Variants in CHL1 observed in about 807,000 individuals in gnomAD.
CHL1 encodes the protein cell adhesion molecule L1 like.
A neutral mutation model predicts 141.9 loss-of-function variants in CHL1; 96 were observed. That is an observed-to-expected ratio of 0.68 (90% confidence interval 0.57 to 0.80). The LOEUF (loss-of-function observed/expected upper bound fraction) is 0.80, where lower values mean the gene tolerates loss of function less well. Among genes scored for constraint, CHL1 ranks in the 30% least tolerant of loss-of-function variants. The pLI is 0.00. For missense variants in CHL1, 1,820 were observed against 1,457.2 expected (o/e 1.25, Z -4.05); for synonymous variants, 613 against 502.2 (o/e 1.22, Z -2.95).
intron 15 of CHL1, among the ~76,000 whole-genome samples, chr3:369,111 T>G (rs560296592): frequency 6.6e-6 from 1 of 152,066 alleles, no homozygotes; most frequent in African/African-American, 2.4e-5. Flanking sequence ...TTTAAAGTAG[T>G]TTTTTTTCTA....
At position 231,272 on chromosome 3, in the gene CHL1, T is replaced by A. The variant is rs150107248; in HGVS notation, c.-174-13341T>A. Among the ~76,000 whole-genome samples the A allele has an allele frequency of 1.0e-3, 154 of 152,280 alleles. 2 individuals are homozygous for A. In the South Asian group the frequency reaches 0.028, roughly 28 times the overall value. On this transcript the variant is annotated intron_variant, in intron 1 of 27. Coordinates refer to ENST00000256509, the MANE Select transcript of CHL1 (RefSeq NM_006614.4). Reference sequence around the variant, plus strand: ...AAATAATTACCTTGGTGATTTCCCATAATTAAGGCAGATTTTTTTCCTTCC... The same window carrying A: ...AAATAATTACCTTGGTGATTTCCCAAAATTAAGGCAGATTTTTTTCCTTCC...
At chr3:267,069 A>G (rs535522028) in intron 2 of CHL1, among the ~76,000 whole-genome samples, 31 of 152,292 alleles carry the variant, frequency 2.0e-4, no homozygotes, top group South Asian at 1.7e-3. Context: ...TCTTGCATTT[A>G]TCTGTTTTTT....
intron 2 of CHL1, among the ~76,000 whole-genome samples, chr3:286,797 T>G (rs1697196611): frequency 6.6e-6 from 1 of 152,068 alleles, no homozygotes; most frequent in Admixed American, 6.5e-5. Flanking sequence ...GAACTGAGGG[T>G]TCTTTCCCTT....
chr3:352,962 C>T (rs1247559971), intron 10 of CHL1, among the ~76,000 whole-genome samples: 1 of 152,108 alleles, frequency 6.6e-6, no homozygotes, highest in Admixed American at 6.6e-5. Context: ...GCTGCTCATC[C>T]ATAGTTGCTG....
chr3:288,564 C>A (rs1697380355), intron 2 of CHL1, among the ~76,000 whole-genome samples: 1 of 152,126 alleles, frequency 6.6e-6, no homozygotes, highest in Non-Finnish European at 1.5e-5. Flanking sequence ...ATCATGATCC[C>A]TGGGCTGCTG....
chr3:322,887 T>A (rs1384615943), intron 3 of CHL1, among the ~76,000 whole-genome samples: 1 of 151,242 alleles, frequency 6.6e-6, no homozygotes, highest in Non-Finnish European at 1.5e-5. Context: ...TAAAAAACTC[T>A]CAAAACAAAG....
chr3:405,442 A>C (rs17038738), intron 27 of CHL1, 53 bp from the exon 28 acceptor site: 1 of 1,186,294 alleles, frequency 8.4e-7, no homozygotes, highest in African/African-American at 1.5e-5. Flanking sequence ...GTTGCTTTAC[A>C]TGAATATTAA....
At chr3:289,371 G>A (rs1198683530) in intron 2 of CHL1, among the ~76,000 whole-genome samples, 2 of 152,118 alleles carry the variant, frequency 1.3e-5, no homozygotes, top group East Asian at 3.8e-4. Context: ...TAAGATGAGT[G>A]ATTTTATTCT....
intron 1 of CHL1, among the ~76,000 whole-genome samples, chr3:200,627 GTTC>G (rs1698839303): frequency 6.6e-6 from 1 of 152,112 alleles, no homozygotes; most frequent in African/African-American, 2.4e-5. Context: ...CTTTCTGTTT[GTTC>G]CTGGAAAAAT....
chr3:361,889 G>T, intron 13 of CHL1, 79 bp downstream of exon 13: 1 of 984,512 alleles, frequency 1.0e-6, no homozygotes, highest in Non-Finnish European at 1.6e-6. Context: ...TCATTTGACA[G>T]GCTGTATTGT....
chr3:228,683 A>G (rs1265740071), intron 1 of CHL1, among the ~76,000 whole-genome samples: 1 of 152,188 alleles, frequency 6.6e-6, no homozygotes, highest in Non-Finnish European at 1.5e-5. Context: ...AACCCCTGTG[A>G]GAGGCCAGTA....
At chr3:277,299 T>G (rs1454168996) in intron 2 of CHL1, among the ~76,000 whole-genome samples, 1 of 152,144 alleles carries the variant, frequency 6.6e-6, no homozygotes, top group Non-Finnish European at 1.5e-5. Flanking sequence ...AGCCACATCC[T>G]GGAACCATAA....
At chr3:358,002 T>C (rs1449855463) in intron 11 of CHL1, among the ~76,000 whole-genome samples, 1 of 152,326 alleles carries the variant, frequency 6.6e-6, no homozygotes, top group Non-Finnish European at 1.5e-5. Context: ...GAGCTACTCA[T>C]CTTGCTAATT....
chr3:233,858 A>G lies in CHL1; in HGVS notation c.-174-10755A>G, dbSNP rs557511733. 3.9e-5 allele frequency among the ~76,000 whole-genome samples: 6 copies of G among 152,274 alleles called. No homozygotes were observed. In the East Asian group the frequency reaches 1.2e-3, roughly 29 times the overall value. On this transcript the variant is annotated intron_variant, in intron 1 of 27. Transcript: ENST00000256509. Reference sequence around the variant, plus strand: ...TGTCACCCAAATTTTATTGTTATAAATTACACTCAGTAAAGATTTTTCCAT... The same window carrying G: ...TGTCACCCAAATTTTATTGTTATAAGTTACACTCAGTAAAGATTTTTCCAT...
At position 300,692 on chromosome 3, in the gene CHL1, A is replaced by G. The variant is rs527350915; in HGVS notation, c.-94-18991A>G. 2.6e-5 allele frequency among the ~76,000 whole-genome samples: 4 copies of G among 152,318 alleles called. No individual in the cohort carries two copies. In the Middle Eastern group the frequency reaches 0.01, roughly 389 times the overall value. On this transcript the variant is annotated intron_variant, in intron 2 of 27. Transcript: ENST00000256509. The stretch of plus-strand genomic sequence containing the variant: ...TATTGTCTAGTAAGAGACAAGCATC[A>G]TAAGACATTACACTAGTGAATGTAT...
chr3:337,424 A>T (rs551108914), intron 5 of CHL1, among the ~76,000 whole-genome samples: 20 of 151,970 alleles, frequency 1.3e-4, no homozygotes, highest in East Asian at 1.2e-3. Context: ...TGTGCAGGTT[A>T]GTTACATATG....
chr3:328,083 T>G (rs1229378621), intron 4 of CHL1, 84 bp from the exon 5 acceptor site: 2 of 1,037,270 alleles, frequency 1.9e-6, no homozygotes, highest in Non-Finnish European at 2.8e-6. Context: ...GTCTTGGTTT[T>G]GTCAATTTTA....
intron 1 of CHL1, among the ~76,000 whole-genome samples, chr3:198,921 T>C (rs921468687): frequency 6.6e-6 from 1 of 152,190 alleles, no homozygotes; most frequent in Non-Finnish European, 1.5e-5. Flanking sequence ...TTTCAGTATA[T>C]TGATGGAGAG....
intron 2 of CHL1, among the ~76,000 whole-genome samples, chr3:280,209 G>T (rs535038000): frequency 6.7e-6 from 1 of 150,128 alleles, no homozygotes; most frequent in Non-Finnish European, 1.5e-5. Context: ...GTAGAGTCTA[G>T]GCATTTTTTT....
Sources: allele counts gnomAD v4.1 joint callset (sites outside exome capture counted in the v4.1 genomes callset), GRCh38; gene constraint gnomAD v4.1.1; transcripts MANE v1.5; gene names NCBI Gene and HGNC (gene_info 2026-07-23, HGNC 2026-07-21).